CTNNA3: variants seen among roughly 807,000 people sequenced by gnomAD.
CTNNA3 encodes the protein catenin alpha 3.
A neutral mutation model predicts 95.7 loss-of-function variants in CTNNA3; 76 were observed. The observed-to-expected ratio is 0.79, with a 90% CI of 0.66 to 0.96. CTNNA3 has a LOEUF of 0.96. CTNNA3 is among the 40% of genes least tolerant of loss of function. CTNNA3 has a pLI of 0.00. For missense variants in CTNNA3, 1,191 were observed against 1,089.8 expected (o/e 1.09, Z -1.31); for synonymous variants, 431 against 374.4 (o/e 1.15, Z -1.74).
chr10:67,726,441 T>TATTATATATTATATATAAA (rs1345393945), intron 1 of CTNNA3, among the ~76,000 whole-genome samples: 9 of 72,432 alleles, frequency 1.2e-4, no homozygotes, highest in African/African-American at 5.1e-4. Flanking sequence ...TCATATATAA[T>TATTATATATTATATATAAA]ATATAATATT....
intron 1 of CTNNA3, among the ~76,000 whole-genome samples, chr10:67,685,237 T>C (rs1421914451): frequency 6.6e-6 from 1 of 152,222 alleles, no homozygotes; most frequent in Non-Finnish European, 1.5e-5. Context: ...TAATTATTCT[T>C]TGCTATTAAT....
chr10:67,649,639 T>G (rs1035968577), intron 1 of CTNNA3, among the ~76,000 whole-genome samples: 1 of 152,236 alleles, frequency 6.6e-6, no homozygotes, highest in African/African-American at 2.4e-5. Flanking sequence ...AAAGTCTTCC[T>G]GCTCTTTTGT....
chr10:67,271,504 TC>T (rs1675121346), intron 5 of CTNNA3, among the ~76,000 whole-genome samples: 1 of 152,116 alleles, frequency 6.6e-6, no homozygotes, highest in Non-Finnish European at 1.5e-5. Flanking sequence ...TAAACCTCTT[TC>T]CTTTACAAAT....
At chr10:66,370,987 T>G (rs552018808) in intron 12 of CTNNA3, among the ~76,000 whole-genome samples, 21 of 152,262 alleles carry the variant, frequency 1.4e-4, no homozygotes, top group African/African-American at 4.6e-4. Flanking sequence ...CCTTCCAAAG[T>G]GCTGGGATTA....
At chr10:66,811,699 T>G (rs1841884031) in intron 7 of CTNNA3, among the ~76,000 whole-genome samples, 1 of 152,148 alleles carries the variant, frequency 6.6e-6, no homozygotes, top group African/African-American at 2.4e-5. Flanking sequence ...CCACTGAAAT[T>G]TATACCATGT....
chr10:66,683,465 T>C (rs1847139435), intron 9 of CTNNA3, among the ~76,000 whole-genome samples: 1 of 152,198 alleles, frequency 6.6e-6, no homozygotes, highest in Admixed American at 6.5e-5. Context: ...ACACCATCAT[T>C]ACTTATAGTT....
At chr10:66,461,814 A>ATTT (rs35888450) in intron 11 of CTNNA3, among the ~76,000 whole-genome samples, 2 of 140,164 alleles carry the variant, frequency 1.4e-5, no homozygotes, top group Non-Finnish European at 1.5e-5. Context: ...TATATCTCCA[A>ATTT]TTTTTTTTTT....
rs761795009 is a variant in CTNNA3, at chr10:67,180,409, A to G, written c.955T>C (p.Cys319Arg). 9 of 1,613,906 alleles carry G rather than the reference A, an allele frequency of 5.6e-6. No homozygotes were observed. The highest frequency in any genetic ancestry group is 2.2e-5 in the East Asian group (1 of 44,846). Residue 319 changes from cysteine (C) to arginine (R), a missense_variant, in exon 7 of 18, where the codon TGT becomes CGT. Coordinates refer to ENST00000433211, the MANE Select transcript of CTNNA3 (RefSeq NM_013266.4). ...CGCTCTCGGTGTAAGTCCCTCGTAC[A>G]TGAAGAATCCGCCAGCAGAGCAGCC... ...SGAALLADSS[C>R]TRDLHRERII...
intron 15 of CTNNA3, among the ~76,000 whole-genome samples, chr10:66,036,195 A>G (rs2079559865): frequency 6.6e-6 from 1 of 152,206 alleles, no homozygotes; most frequent in Admixed American, 6.5e-5. Flanking sequence ...TCTCCAGTTA[A>G]TAGTGAATAA....
intron 7 of CTNNA3, among the ~76,000 whole-genome samples, chr10:66,812,950 T>C (rs1221373613): frequency 1.3e-5 from 2 of 152,170 alleles, no homozygotes; most frequent in East Asian, 3.9e-4. Flanking sequence ...CTCACTATTT[T>C]GTTGAAACCC....
intron 13 of CTNNA3, among the ~76,000 whole-genome samples, chr10:66,228,623 A>G (rs1431980127): frequency 2.0e-5 from 3 of 152,128 alleles, no homozygotes; most frequent in African/African-American, 7.2e-5. Flanking sequence ...TAGTTGTTGC[A>G]TCAAATCTTC....
intron 13 of CTNNA3, among the ~76,000 whole-genome samples, chr10:66,233,289 A>G (rs940769287): frequency 1.3e-5 from 2 of 152,046 alleles, no homozygotes; most frequent in Non-Finnish European, 2.9e-5. Flanking sequence ...TATTTTAAGC[A>G]GGACACAAAA....
chr10:66,883,009 G>A (rs561688723), intron 7 of CTNNA3, among the ~76,000 whole-genome samples: 2 of 152,110 alleles, frequency 1.3e-5, no homozygotes, highest in South Asian at 2.1e-4. Flanking sequence ...TCTCTGGGGT[G>A]GGACCAGGCC....
intron 10 of CTNNA3, among the ~76,000 whole-genome samples, chr10:66,578,583 T>A (rs1467312140): frequency 1.3e-5 from 2 of 152,020 alleles, no homozygotes; most frequent in Admixed American, 1.3e-4. Context: ...ATGATGTGGT[T>A]TTTGTTGGTA....
At chr10:66,419,350 T>C (rs955171121) in intron 11 of CTNNA3, among the ~76,000 whole-genome samples, 6 of 152,036 alleles carry the variant, frequency 3.9e-5, no homozygotes, top group Admixed American at 1.3e-4. Context: ...GAAATATCTC[T>C]ACAAGGAAAA....
intron 5 of CTNNA3, among the ~76,000 whole-genome samples, chr10:67,377,166 A>C (rs1289436898): frequency 2.0e-5 from 3 of 152,240 alleles, no homozygotes; most frequent in Non-Finnish European, 4.4e-5. Context: ...AACTTTATGT[A>C]ATCCACAGTA....
intron 13 of CTNNA3, among the ~76,000 whole-genome samples, chr10:66,229,603 T>C (rs923856829): frequency 4.6e-5 from 7 of 152,178 alleles, no homozygotes; most frequent in African/African-American, 1.2e-4. Flanking sequence ...GTTAGTCTGA[T>C]AGGGATTTCC....
intron 10 of CTNNA3, 60 bp downstream of exon 10, chr10:66,621,632 C>T (rs1844752816): frequency 8.5e-6 from 8 of 941,716 alleles, no homozygotes; most frequent in Middle Eastern, 2.3e-4. Flanking sequence ...TTTTCATATG[C>T]ATAAAAGCAT....
At chr10:67,464,832 T>A (rs953900237) in intron 5 of CTNNA3, among the ~76,000 whole-genome samples, 8 of 151,748 alleles carry the variant, frequency 5.3e-5, no homozygotes, top group Non-Finnish European at 7.4e-5. Context: ...ACATTGACCG[T>A]TTCTTATCAT....
Sources: gnomAD v4.1 joint callset for allele counts (sites outside exome capture counted in the v4.1 genomes callset) on GRCh38, gnomAD v4.1.1 for gene constraint, MANE v1.5 for transcripts, NCBI Gene and HGNC (gene_info 2026-07-23, HGNC 2026-07-21) for gene names.